PTPN12: variants seen among roughly 807,000 people sequenced by gnomAD.
PTPN12 encodes the protein protein tyrosine phosphatase non-receptor type 12, also known as tyrosine-protein phosphatase non-receptor type 12.
Under a neutral mutation model 97.6 loss-of-function variants are expected in PTPN12, and 29 were observed. That is an observed-to-expected ratio of 0.30 (90% CI 0.22 to 0.41). The LOEUF (loss-of-function observed/expected upper bound fraction) is 0.41, where lower values mean the gene tolerates loss of function less well. PTPN12 is among the 10% of genes least tolerant of loss of function. The pLI is 1.00. For missense variants in PTPN12, 819 were observed against 926.0 expected (o/e 0.88, Z 1.50); for synonymous variants, 327 against 300.4 (o/e 1.09, Z -0.91).
intron 13 of PTPN12, among the ~76,000 whole-genome samples, chr7:77,631,008 T>C (rs1789379025): frequency 6.6e-6 from 1 of 152,154 alleles, no homozygotes. Flanking sequence ...GGAAGATAAC[T>C]GATAGAAAAA....
intron 1 of PTPN12, among the ~76,000 whole-genome samples, chr7:77,541,897 A>G (rs969120629): frequency 6.6e-6 from 1 of 152,160 alleles, no homozygotes; most frequent in African/African-American, 2.4e-5. Context: ...GCAAATAGCT[A>G]ATTTGTGGCT....
intron 13 of PTPN12, among the ~76,000 whole-genome samples, chr7:77,630,526 G>T (rs964137829): frequency 1.3e-5 from 2 of 152,228 alleles, no homozygotes; most frequent in South Asian, 2.1e-4. Flanking sequence ...CTCAACAATT[G>T]TAACACAATG....
Position 77,637,944 on chromosome 7 carries a change from AATTTTTTTTT to A in PTPN12, c.2174-679_2174-670del, listed in dbSNP as rs1241020748. Reference sequence around the variant, plus strand: ...AACCCTGACCTTGTTGATTTCTTAAAATTTTTTTTTTTTTTTTTTTTTTTTTTTTTGAGAC... The same window carrying A: ...AACCCTGACCTTGTTGATTTCTTAAATTTTTTTTTTTTTTTTTTTTGAGAC... On this transcript the variant is annotated intron_variant, in intron 16 of 17. Transcript: ENST00000248594. 2.1e-3 allele frequency among the ~76,000 whole-genome samples: 190 copies of A among 89,498 alleles called. 2 individuals are homozygous for A. The highest frequency in any genetic ancestry group is 7.1e-3 in the African/African-American group (146 of 20,584). The allele number at this position is 89,498 out of a possible 152,430, so 58.7% of individuals were successfully genotyped here. A position where few individuals can be genotyped will look rare whatever the true frequency, so the allele number is the denominator to read the frequency against.
chr7:77,596,344 A>G (rs529197891), intron 6 of PTPN12, among the ~76,000 whole-genome samples: 121 of 152,126 alleles, frequency 8.0e-4, no homozygotes, highest in African/African-American at 2.8e-3. Context: ...GTTTGGGTCT[A>G]TCTGTTAGGA....
intron 1 of PTPN12, among the ~76,000 whole-genome samples, chr7:77,558,696 A>T (rs1398532578): frequency 6.6e-6 from 1 of 152,196 alleles, no homozygotes; most frequent in Non-Finnish European, 1.5e-5. Context: ...TCCCCTGATA[A>T]GAGTGGTTCA....
rs1227912531 is a variant in PTPN12 at position 77,626,846 on chromosome 7, A to T, written c.1167A>T (p.Pro389=). Residue 389 remains proline (P), a synonymous_variant, in exon 13 of 18, where the codon CCA becomes CCT. Transcript: ENST00000248594. ...TVWQDNDRYH[P]KPVLHMVSSE... is the part of the protein sequence containing the mutation. Reference sequence around the variant, plus strand: ...GGCAGGACAATGATAGATACCATCCAAAGCCAGTGTTGCATATGGTTTCAT... The same window carrying T: ...GGCAGGACAATGATAGATACCATCCTAAGCCAGTGTTGCATATGGTTTCAT... The T allele has an allele frequency of 6.2e-7, 1 of 1,614,034 alleles. No homozygotes were observed.
At chr7:77,606,987 G>C (rs1788397471) in intron 8 of PTPN12, 1 of 264,456 alleles carries the variant, frequency 3.8e-6, no homozygotes, top group African/African-American at 2.2e-5. Flanking sequence ...TGTTGTGCCT[G>C]ATTTATAAAT....
intron 12 of PTPN12, among the ~76,000 whole-genome samples, chr7:77,623,165 T>C (rs1789007074): frequency 6.6e-6 from 1 of 152,204 alleles, no homozygotes; most frequent in Non-Finnish European, 1.5e-5. Context: ...TATGAAATTA[T>C]AGAACATCCA....
intron 2 of PTPN12, 29 bp downstream of exon 2, chr7:77,571,215 C>T: frequency 2.9e-6 from 4 of 1,375,086 alleles, no homozygotes; most frequent in Non-Finnish European, 4.1e-6. Context: ...TGATAAAATA[C>T]ATAGAAATGC....
intron 4 of PTPN12, chr7:77,583,913 T>C (rs1161468968): frequency 2.0e-5 from 6 of 302,764 alleles, no homozygotes; most frequent in Admixed American, 4.8e-5. Flanking sequence ...AAACAACTTA[T>C]AAAAAGCAGA....
chr7:77,605,409 GTTTTTTTTTTTTT>G (rs751962814), intron 8 of PTPN12, among the ~76,000 whole-genome samples: 37 of 95,560 alleles, frequency 3.9e-4, no homozygotes, highest in Admixed American at 1.1e-3. Context: ...TTTGTCATGA[GTTTTTTTTTTTTT>G]TTTTTTTTTT....
At chr7:77,543,605 A>G (rs900353611) in intron 1 of PTPN12, among the ~76,000 whole-genome samples, 3 of 152,198 alleles carry the variant, frequency 2.0e-5, no homozygotes, top group Non-Finnish European at 4.4e-5. Flanking sequence ...TGATGAAGTT[A>G]TGCAACAATA....
intron 8 of PTPN12, among the ~76,000 whole-genome samples, chr7:77,605,409 G>GTTTGTTTTTTTTTTTTTT (rs1554321238): frequency 1.0e-5 from 1 of 95,560 alleles, no homozygotes; most frequent in African/African-American, 4.1e-5. Flanking sequence ...TTTGTCATGA[G>GTTTGTTTTTTTTTTTTTT]TTTTTTTTTT....
At chr7:77,551,712 A>T (rs1357826970) in intron 1 of PTPN12, among the ~76,000 whole-genome samples, 1 of 152,176 alleles carries the variant, frequency 6.6e-6, no homozygotes, top group Non-Finnish European at 1.5e-5. Context: ...GCTTTGCCAT[A>T]AATTTGATGT....
intron 12 of PTPN12, among the ~76,000 whole-genome samples, chr7:77,625,496 TCTCTCTCTCTCTCTCTCTCTCTCTCTCA>T (rs1789122882): frequency 9.7e-6 from 1 of 103,508 alleles, no homozygotes; most frequent in Non-Finnish European, 2.0e-5. Flanking sequence ...TCTCTCTCTC[TCTCTCTCTCTCTCTCTCTCTCTCTCTCA>T]CTCTCACTCT....
intron 1 of PTPN12, among the ~76,000 whole-genome samples, chr7:77,548,014 G>T (rs1270120963): frequency 6.6e-6 from 1 of 152,130 alleles, no homozygotes; most frequent in African/African-American, 2.4e-5. Flanking sequence ...CCATTATTAT[G>T]GCATAGTTGT....
intron 5 of PTPN12, among the ~76,000 whole-genome samples, chr7:77,591,635 C>G (rs543871371): frequency 2.0e-5 from 3 of 152,124 alleles, no homozygotes; most frequent in African/African-American, 7.2e-5. Flanking sequence ...AACAAACATG[C>G]AACAACTCTG....
At chr7:77,624,741 C>T (rs144090573) in intron 12 of PTPN12, among the ~76,000 whole-genome samples, 1 of 151,970 alleles carries the variant, frequency 6.6e-6, no homozygotes, top group East Asian at 2.0e-4. Flanking sequence ...GCCTGGCCCA[C>T]AGAGTCTCTT....
At chr7:77,571,237 T>TCTA in intron 2 of PTPN12, 51 bp downstream of exon 2, 3 of 1,120,644 alleles carry the variant, frequency 2.7e-6, no homozygotes, top group Non-Finnish European at 3.9e-6. Flanking sequence ...AATTAGCCTT[T>TCTA]TGTAACCTAA....
Sources: allele counts gnomAD v4.1 joint callset (sites outside exome capture counted in the v4.1 genomes callset), GRCh38; gene constraint gnomAD v4.1.1; transcripts MANE v1.5; gene names NCBI Gene and HGNC (gene_info 2026-07-23, HGNC 2026-07-21).